ABLIM1: variants seen among roughly 807,000 people sequenced by gnomAD.
ABLIM1 encodes the protein actin binding LIM protein 1.
A neutral mutation model predicts 107.0 loss-of-function variants in ABLIM1; 40 were observed. The ratio of observed to expected loss-of-function variants is 0.37; its 90% CI spans 0.29 to 0.49. ABLIM1 has a LOEUF of 0.49. ABLIM1 is among the 20% of genes least tolerant of loss of function. The probability of loss-of-function intolerance (pLI) is 0.97; values close to 1 mark genes in which losing one functional copy is unlikely to be tolerated. For synonymous variants in ABLIM1, 357 were observed against 357.3 expected, an observed-to-expected ratio of 1.00 and a Z score of 0.01; for missense variants, 857 against 1,008.5, an observed-to-expected ratio of 0.85 and a Z score of 2.04.
At chr10:114,491,954 T>G (rs1209519097) in intron 6 of ABLIM1, 76 bp from the exon 7 acceptor site, 3 of 1,229,960 alleles carry the variant, frequency 2.4e-6, no homozygotes, top group East Asian at 4.9e-5. Context: ...ACTTGATGAT[T>G]TAGAAGAAAA....
At chr10:114,701,118 AGGG>A (rs1356547870) in intron 1 of ABLIM1, among the ~76,000 whole-genome samples, 1 of 152,154 alleles carries the variant, frequency 6.6e-6, no homozygotes, top group Non-Finnish European at 1.5e-5. Flanking sequence ...TTAAAAACAG[AGGG>A]GTAGAGAGAC....
At chr10:114,684,563 C>A in exon 1 of ABLIM1, 1 of 1,359,548 alleles carries the variant, frequency 7.4e-7, no homozygotes, top group Non-Finnish European at 9.5e-7. Flanking sequence ...CTGGCTCCTT[C>A]CTCATGTACA....
chr10:114,781,762 G>T, the ABLIM1 span, among the ~76,000 whole-genome samples: 4 of 150,788 alleles, frequency 2.7e-5, no homozygotes, highest in Admixed American at 6.6e-5. Context: ...AAAGATTAAA[G>T]TTGCAGAACT....
chr10:114,513,855 A>G (rs1291402840), intron 6 of ABLIM1, among the ~76,000 whole-genome samples: 1 of 152,188 alleles, frequency 6.6e-6, no homozygotes, highest in Non-Finnish European at 1.5e-5. Context: ...GCAAATTCTT[A>G]TTGACTATTA....
chr10:114,618,898 T>C (rs2077292601), intron 1 of ABLIM1, among the ~76,000 whole-genome samples: 1 of 152,182 alleles, frequency 6.6e-6, no homozygotes, highest in Non-Finnish European at 1.5e-5. Flanking sequence ...ATGGCAGGGA[T>C]GGCCTTTCCC....
chr10:114,726,617 C>T (rs572002761), intron 1 of ABLIM1, among the ~76,000 whole-genome samples: 1 of 152,028 alleles, frequency 6.6e-6, no homozygotes, highest in Non-Finnish European at 1.5e-5. Context: ...CCCGTCTCCA[C>T]TAAAAATACA....
chr10:114,558,581 G>A (rs2069131666), intron 4 of ABLIM1, among the ~76,000 whole-genome samples: 1 of 152,070 alleles, frequency 6.6e-6, no homozygotes. Flanking sequence ...GGATGCGGGT[G>A]CCTTCTAGAG....
chr10:114,610,954 C>T (rs1202308159), intron 1 of ABLIM1, among the ~76,000 whole-genome samples: 1 of 152,012 alleles, frequency 6.6e-6, no homozygotes, highest in African/African-American at 2.4e-5. Flanking sequence ...GAGTTAGAGA[C>T]CAGCCTGGCC....
intron 20 of ABLIM1, 163 bp from the exon 21 acceptor site, chr10:114,439,413 A>G (rs2059887630): frequency 2.6e-6 from 2 of 756,886 alleles, no homozygotes; most frequent in East Asian, 5.4e-5. Context: ...TCCTTGCTGT[A>G]TAGGAACAGG....
At chr10:114,443,396 T>C (rs1424311327) in intron 17 of ABLIM1, among the ~76,000 whole-genome samples, 2 of 151,136 alleles carry the variant, frequency 1.3e-5, no homozygotes, top group East Asian at 2.0e-4. Context: ...CACTGCAACC[T>C]CCACCTCCCA....
intron 1 of ABLIM1, among the ~76,000 whole-genome samples, chr10:114,634,021 C>T (rs1439074669): frequency 1.3e-5 from 2 of 151,716 alleles, no homozygotes; most frequent in Admixed American, 6.6e-5. Context: ...TTCCTCCTCA[C>T]CCCTTCCTTG....
chr10:114,644,885 T>C (rs1231957283), intron 1 of ABLIM1, among the ~76,000 whole-genome samples: 1 of 152,118 alleles, frequency 6.6e-6, no homozygotes, highest in African/African-American at 2.4e-5. Context: ...GGGAAGAGAA[T>C]AGGGCCTCCC....
chr10:114,564,439 A>ATT (rs34025724), intron 4 of ABLIM1, among the ~76,000 whole-genome samples: 47 of 143,990 alleles, frequency 3.3e-4, no homozygotes, highest in Middle Eastern at 3.7e-3. Flanking sequence ...TAATGTTTGT[A>ATT]TTTTTTTTTT....
At chr10:114,762,880 C>A (rs530075635) in intron 1 of ABLIM1, among the ~76,000 whole-genome samples, 3 of 152,206 alleles carry the variant, frequency 2.0e-5, no homozygotes, top group Admixed American at 1.3e-4. Context: ...TAATAGTCCA[C>A]ATGTATGCGC....
rs59678354 is a variant in ABLIM1, at chr10:114,434,330, C to CACAT, written c.*1929_*1930insATGT. Reference sequence around the variant, plus strand: ...ACACACACACACACACACACACACACGAGAGTAGTCCTCATTCAGTGCATA... The same window carrying CACAT: ...ACACACACACACACACACACACACACACATGAGAGTAGTCCTCATTCAGTGCATA... On this transcript the variant is annotated 3_prime_UTR_variant, in exon 23 of 23. Transcript: ENST00000533213. 6.8e-6 allele frequency: 1 copy of CACAT among 146,272 alleles called. No individual in the cohort carries two copies. Among genetic ancestry groups the CACAT allele is most frequent in the Non-Finnish European group, 1.5e-5 (1 of 67,602 alleles). 9.1% of individuals were successfully genotyped at this position (146,272 alleles called of 1,614,324 possible).
rs2059069305 is a variant in ABLIM1, at chr10:114,433,539, GT to G, written c.*2720del. On this transcript the variant is annotated 3_prime_UTR_variant, in exon 23 of 23. Transcript: ENST00000533213. ...TGGCAATGCATTTCTGCAAGGTGCAGTTTAAATGAACTCATATGGTACTTGA... is the reference window on the plus strand; with the variant it reads ...TGGCAATGCATTTCTGCAAGGTGCAGTTAAATGAACTCATATGGTACTTGA... The G allele has an allele frequency of 6.6e-6, 1 of 152,256 alleles. No homozygotes were observed. Among genetic ancestry groups the G allele is most frequent in the Admixed American group, 6.5e-5 (1 of 15,292 alleles). The allele number at this position is 152,256 out of a possible 1,614,324, so 9.4% of individuals were successfully genotyped here. A position where few individuals can be genotyped will look rare whatever the true frequency, so the allele number is the denominator to read the frequency against.
intron 2 of ABLIM1, among the ~76,000 whole-genome samples, chr10:114,596,114 A>C (rs2075388790): frequency 6.6e-6 from 1 of 152,164 alleles, no homozygotes; most frequent in Non-Finnish European, 1.5e-5. Flanking sequence ...GTCAGTCATC[A>C]AATTCTATCA....
intron 12 of ABLIM1, among the ~76,000 whole-genome samples, chr10:114,457,016 T>C (rs1448288125): frequency 6.6e-6 from 1 of 152,142 alleles, no homozygotes; most frequent in Non-Finnish European, 1.5e-5. Flanking sequence ...CACAAAGCAT[T>C]TTTAAAAATC....
intron 1 of ABLIM1, among the ~76,000 whole-genome samples, chr10:114,736,585 G>A (rs2082184946): frequency 6.6e-6 from 1 of 152,058 alleles, no homozygotes; most frequent in Non-Finnish European, 1.5e-5. Flanking sequence ...TGAATCCAGG[G>A]ACAACATTGA....
Sources: allele counts gnomAD v4.1 joint callset (sites outside exome capture counted in the v4.1 genomes callset), GRCh38; gene constraint gnomAD v4.1.1; transcripts MANE v1.5; gene names NCBI Gene and HGNC (gene_info 2026-07-23, HGNC 2026-07-21).